ZSCAN10: variants seen among roughly 807,000 people sequenced by gnomAD.
The protein encoded by ZSCAN10 is zinc finger and SCAN domain containing 10.
In ZSCAN10, 52 loss-of-function variants were observed where a neutral mutation model predicts 63.7. The ratio of observed to expected loss-of-function variants is 0.82; its 90% confidence interval spans 0.65 to 1.03. The LOEUF (loss-of-function observed/expected upper bound fraction) is 1.03, where lower values mean the gene tolerates loss of function less well. Among genes scored for constraint, ZSCAN10 ranks in the 50% least tolerant of loss-of-function variants. ZSCAN10 has a pLI of 0.00. For missense variants in ZSCAN10, 1,223 were observed against 1,103.8 expected, an observed-to-expected ratio of 1.11 and a Z score of -1.53; for synonymous variants, 544 against 479.6, an observed-to-expected ratio of 1.13 and a Z score of -1.76.
Position 3,089,600 on chromosome 16 carries a change from C to G in ZSCAN10, c.1834G>C (p.Gly612Arg), listed in dbSNP as rs1279171414. The G allele has an allele frequency of 4.4e-6, 7 of 1,585,844 alleles. No homozygotes were observed. Among genetic ancestry groups the G allele is most frequent in the Non-Finnish European group, 6.0e-6 (7 of 1,166,624 alleles). Residue 612 changes from glycine to arginine, a missense_variant, in exon 6 of 6, where the codon GGG (glycine) becomes CGG (arginine). By Grantham distance (125) the Gly-to-Arg change is moderately radical. Transcript: ENST00000576985. Reference protein sequence around the residue: ...GPRPHHCTQCGKSFGQTQDLA... With the variant: ...GPRPHHCTQCRKSFGQTQDLA... ...TCCTGGGTCTGGCCGAAACTCTTCC[C>G]GCACTGGGTGCAGTGGTGGGGCCGA...
In ZSCAN10 at chr16:3,093,655, A is replaced by C. The variant is rs1957117640; in HGVS notation, c.-67-651T>G. 2.0e-5 allele frequency among the ~76,000 whole-genome samples: 3 copies of C among 151,558 alleles called. No homozygotes were observed. The South Asian group carries it at 6.3e-4, about 32-fold the overall frequency. On this transcript the variant is annotated intron_variant, in intron 1 of 5. Coordinates refer to ENST00000576985, the MANE Select transcript of ZSCAN10 (RefSeq NM_032805.3). Reference sequence around the variant, plus strand: ...GGCACCATCAAGATGGATCCTGGCCAAAAAAGTTTGTTTTTTAAAGCTTTT... The same window carrying C: ...GGCACCATCAAGATGGATCCTGGCCCAAAAAGTTTGTTTTTTAAAGCTTTT...
chr16:3,097,677 G>A (rs1484896287), intron 1 of ZSCAN10, among the ~76,000 whole-genome samples: 1 of 152,194 alleles, frequency 6.6e-6, no homozygotes, highest in Non-Finnish European at 1.5e-5. Flanking sequence ...CTAGGGCGAT[G>A]GAGTGCCTCA....
In ZSCAN10 at chr16:3,092,948, G is replaced by T; in HGVS notation, c.-11C>A. On this transcript the variant is annotated 5_prime_UTR_variant, in exon 2 of 6. Transcript: ENST00000576985. ...TGATTCTCCAAGCATCCTTCACTGC[G>T]GGGATGCCTCCCTAACGCCAGCCCC... 1.4e-6 allele frequency: 2 copies of T among 1,416,298 alleles called. No individual in the cohort carries two copies. The highest frequency in any genetic ancestry group is 1.8e-6 in the Non-Finnish European group (2 of 1,087,564). The allele number at this position is 1,416,298 out of a possible 1,614,324, so 87.7% of individuals were successfully genotyped here. A position where few individuals can be genotyped will look rare whatever the true frequency, so the allele number is the denominator to read the frequency against.
rs138182461 is a variant in ZSCAN10 at position 3,091,833 on chromosome 16, C to T, written c.665-5G>A. The T allele has an allele frequency of 2.7e-4, 426 of 1,572,942 alleles. 1 individual carries two copies. The African/African-American group carries it at 5.0e-3, about 19-fold the overall frequency. On this transcript the variant is annotated splice_region_variant and splice_polypyrimidine_tract_variant and intron_variant, in intron 3 of 5. Transcript: ENST00000576985. ...ATGGTGAGGGGCCCTGGGGACCTGACGGCATTGGGGAAGAGGGGAGGAAGT... is the reference window on the plus strand; with the variant it reads ...ATGGTGAGGGGCCCTGGGGACCTGATGGCATTGGGGAAGAGGGGAGGAAGT...
chr16:3,090,438 G>A lies in ZSCAN10; in HGVS notation c.996C>T (p.Val332=). The A allele has an allele frequency of 1.2e-6, 2 of 1,613,854 alleles. No homozygotes were observed. The highest frequency in any genetic ancestry group is 1.7e-6 in the Non-Finnish European group (2 of 1,179,966). The change falls in exon 6 of 6, where the codon GTC becomes GTT. Residue 332 remains valine, a synonymous_variant. Coordinates refer to ENST00000576985, the MANE Select transcript of ZSCAN10 (RefSeq NM_032805.3). ...GCTCGGGGACGCCCTCAGCCACTTT[G>A]ACCTCCAAAATTTCACTGCTGCCAA... is the stretch of plus-strand genomic sequence containing the variant. ...SLLGSSEILE[V]KVAEGVPEPN...
chr16:3,093,462 G>A (rs1957113463), intron 1 of ZSCAN10: 1 of 150,718 alleles, frequency 6.6e-6, no homozygotes, highest in Non-Finnish European at 1.5e-5. Context: ...CTTACAGTGA[G>A]CCGAGATCGC....
chr16:3,092,993 C>G lies in ZSCAN10; in HGVS notation c.-56G>C. 7.2e-7 allele frequency: 1 copy of G among 1,390,420 alleles called. No individual in the cohort carries two copies. Among genetic ancestry groups the G allele is most frequent in the Non-Finnish European group, 9.3e-7 (1 of 1,075,920 alleles). The allele number at this position is 1,390,420 out of a possible 1,614,324, so 86.1% of individuals were successfully genotyped here. On this transcript the variant is annotated 5_prime_UTR_variant, in exon 2 of 6. Coordinates refer to ENST00000576985, the MANE Select transcript of ZSCAN10 (RefSeq NM_032805.3). ...AGCCCCGCTCTTGGGTCTCTCTCCT[C>G]TCCTCCCACACCTGCGAAGGTGAAC... is the stretch of plus-strand genomic sequence containing the variant.
Position 3,089,053 on chromosome 16 carries a change from A to T in ZSCAN10, c.*38T>A. 1 of 1,455,752 alleles carries T rather than the reference A, an allele frequency of 6.9e-7. No individual in the cohort carries two copies. The highest frequency in any genetic ancestry group is 2.6e-5 in the East Asian group (1 of 38,390). The allele number at this position is 1,455,752 out of a possible 1,614,324, so 90.2% of individuals were successfully genotyped here. A position where few individuals can be genotyped will look rare whatever the true frequency, so the allele number is the denominator to read the frequency against. On this transcript the variant is annotated 3_prime_UTR_variant, in exon 6 of 6. Coordinates refer to ENST00000576985, the MANE Select transcript of ZSCAN10 (RefSeq NM_032805.3). The stretch of plus-strand genomic sequence containing the variant: ...GCCTCCGCTGTGGAGGACCCCGGGT[A>T]GGTGGCGCAGGGCGCGGCTGGCGGA...
chr16:3,089,700 G>A lies in ZSCAN10; in HGVS notation c.1734C>T (p.Tyr578=). 6.2e-7 allele frequency: 1 copy of A among 1,606,136 alleles called. No homozygotes were observed. Residue 578 remains tyrosine, a synonymous_variant, in exon 6 of 6, where the codon TAC becomes TAT. Transcript: ENST00000576985. ...AGCGCTTCCCGCACTGCGGACAGGC[G>A]TAGGGCTTCTCGCCCGTGTGCACCC... ...HQRVHTGEKP[Y]ACPQCGKRFV...
intron 1 of ZSCAN10, among the ~76,000 whole-genome samples, chr16:3,098,954 C>A (rs1389908238): frequency 1.3e-5 from 2 of 152,250 alleles, no homozygotes; most frequent in African/African-American, 4.8e-5. Context: ...GTGAAGCCAG[C>A]CTTCTTCAAT....
At chr16:3,098,424 C>G (rs1258555044) in intron 1 of ZSCAN10, among the ~76,000 whole-genome samples, 2 of 152,146 alleles carry the variant, frequency 1.3e-5, no homozygotes, top group South Asian at 2.1e-4. Context: ...GAACTGATCT[C>G]CATCCTGCTC....
chr16:3,089,214 C>T lies in ZSCAN10; in HGVS notation c.2220G>A (p.Leu740=). The part of the protein sequence containing the change: ...GKSFSRSCNL[L]RHLLVHTGAR... ...CGCCCGTGTGCACCAGCAGGTGTCG[C>T]AGCAGATTGCAGCTGCGGCTGAAGC... Residue 740 remains leucine (L), a synonymous_variant, in exon 6 of 6, where the codon CTG becomes CTA. Transcript: ENST00000576985. 6.3e-7 allele frequency: 1 copy of T among 1,579,716 alleles called. No individual in the cohort carries two copies. The highest frequency in any genetic ancestry group is 8.5e-7 in the Non-Finnish European group (1 of 1,170,468).
rs1457135460 is a variant in ZSCAN10 at position 3,092,298 on chromosome 16, C to A, written c.415G>T (p.Gly139Cys). Residue 139 changes from glycine to cysteine, a missense_variant, in exon 3 of 6, where the codon GGC (glycine) becomes TGC (cysteine). Gly to Cys is a radical substitution (Grantham distance 159). Transcript: ENST00000576985. ...ACGTCTGCACGGGGACAACTCTTGC[C>A]AGCATTACAACTAAAATCCTGTTCA... ...AGPLDFSCNAGKSCPRADVTL... is the reference protein window; with the variant it reads ...AGPLDFSCNACKSCPRADVTL... 6.2e-7 allele frequency: 1 copy of A among 1,607,152 alleles called. No individual in the cohort carries two copies. The highest frequency in any genetic ancestry group is 8.5e-7 in the Non-Finnish European group (1 of 1,176,980).
intron 1 of ZSCAN10, among the ~76,000 whole-genome samples, chr16:3,094,395 G>A (rs1475434864): frequency 6.6e-6 from 1 of 152,196 alleles, no homozygotes; most frequent in Non-Finnish European, 1.5e-5. Context: ...GCCCAGGATG[G>A]AGTGCAATGG....
Position 3,091,967 on chromosome 16 carries a change from G to T in ZSCAN10, c.664+82C>A, listed in dbSNP as rs546270126. 7 of 1,567,384 alleles carry T rather than the reference G, an allele frequency of 4.5e-6. No individual in the cohort carries two copies. The East Asian group carries it at 1.6e-4, about 35-fold the overall frequency. Reference sequence around the variant, plus strand: ...TCTCCTGTCCTGGTCACCTGGGGAGGCCCCACTTCTCACCCCACCCCAGAC... The same window carrying T: ...TCTCCTGTCCTGGTCACCTGGGGAGTCCCCACTTCTCACCCCACCCCAGAC... On this transcript the variant is annotated intron_variant, in intron 3 of 5. Transcript: ENST00000576985.
intron 3 of ZSCAN10, 47 bp from the exon 4 acceptor site, chr16:3,091,875 C>T: frequency 1.3e-6 from 2 of 1,584,682 alleles, no homozygotes; most frequent in Non-Finnish European, 1.7e-6. Context: ...AGAAGGCAGC[C>T]CTGCCTGCCA....
Position 3,092,969 on chromosome 16 carries a change from G to A in ZSCAN10, c.-32C>T, listed in dbSNP as rs1957106260. ...CTGCGGGGATGCCTCCCTAACGCCA[G>A]CCCCGCTCTTGGGTCTCTCTCCTCT... On this transcript the variant is annotated 5_prime_UTR_variant, in exon 2 of 6. Coordinates refer to ENST00000576985, the MANE Select transcript of ZSCAN10 (RefSeq NM_032805.3). 1.1e-5 allele frequency: 16 copies of A among 1,402,676 alleles called. No homozygotes were observed. The highest frequency in any genetic ancestry group is 1.4e-5 in the Non-Finnish European group (15 of 1,081,580). The allele number at this position is 1,402,676 out of a possible 1,614,324, so 86.9% of individuals were successfully genotyped here. A position where few individuals can be genotyped will look rare whatever the true frequency, so the allele number is the denominator to read the frequency against.
rs1957036654 is a variant in ZSCAN10 at position 3,089,596 on chromosome 16, T to A, written c.1838A>T (p.Lys613Met). The A allele has an allele frequency of 1.3e-6, 2 of 1,586,854 alleles. No homozygotes were observed. Among genetic ancestry groups the A allele is most frequent in the East Asian group, 4.6e-5 (2 of 43,930 alleles). The change falls in exon 6 of 6, where the codon AAG becomes ATG. Residue 613 changes from lysine to methionine, a missense_variant. Coordinates refer to ENST00000576985, the MANE Select transcript of ZSCAN10 (RefSeq NM_032805.3). ...PRPHHCTQCG[K>M]SFGQTQDLAR... ...CAGATCCTGGGTCTGGCCGAAACTC[T>A]TCCCGCACTGGGTGCAGTGGTGGGG...
rs1404804614 is a variant in ZSCAN10, at chr16:3,092,102, T to C, written c.611A>G (p.Lys204Arg). 1 of 1,604,366 alleles carries C rather than the reference T, an allele frequency of 6.2e-7. No homozygotes were observed. Residue 204 changes from lysine to arginine, a missense_variant, in exon 3 of 6, where the codon AAG (lysine) becomes AGG (arginine). Coordinates refer to ENST00000576985, the MANE Select transcript of ZSCAN10 (RefSeq NM_032805.3). ...PGQWRLPPSS[K>R]QPLSPGPQKT... ...CTGGGGCCCCGGGCTCAGCGGCTGCTTTGAACTTGGGGGAAGCCTCCACTG... is the reference window on the plus strand; with the variant it reads ...CTGGGGCCCCGGGCTCAGCGGCTGCCTTGAACTTGGGGGAAGCCTCCACTG...
Sources: gnomAD v4.1 joint callset for allele counts (sites outside exome capture counted in the v4.1 genomes callset) on GRCh38, gnomAD v4.1.1 for gene constraint, MANE v1.5 for transcripts, NCBI Gene and HGNC (gene_info 2026-07-23, HGNC 2026-07-21) for gene names.